Variants in NKAIN2 observed in about 807,000 individuals in gnomAD.
NKAIN2 encodes the protein sodium/potassium-transporting ATPase subunit beta-1-interacting protein 2.
NKAIN2 carries 14 observed loss-of-function variants against 32.6 expected under a neutral mutation model. The ratio of observed to expected loss-of-function variants is 0.43; its 90% CI spans 0.28 to 0.67. NKAIN2 has a LOEUF of 0.67. NKAIN2 is among the 30% of genes least tolerant of loss of function. NKAIN2 has a pLI of 0.17. For synonymous variants in NKAIN2, 80 were observed against 87.2 expected (o/e 0.92, Z 0.46); for missense variants, 198 against 258.3 (o/e 0.77, Z 1.60).
chr6:124,153,143 G>A (rs747426209), intron 1 of NKAIN2, among the ~76,000 whole-genome samples: 18 of 151,780 alleles, frequency 1.2e-4, no homozygotes, highest in Non-Finnish European at 2.2e-4. Flanking sequence ...ATAGCTAGAG[G>A]AGAAGAAAAT....
chr6:124,820,610 A>ATAT lies in NKAIN2; in HGVS notation c.617+2146_617+2148dup, dbSNP rs548526683. On this transcript the variant is annotated intron_variant, in intron 6 of 6. Transcript: ENST00000368417. ...CTAAAAGATCTCCTCTGTAAATGGT[A>ATAT]TATTATATATAACAGCGGTCCCCTG... 1.3e-4 allele frequency among the ~76,000 whole-genome samples: 20 copies of ATAT among 152,272 alleles called. No individual in the cohort carries two copies. The East Asian group carries it at 3.5e-3, about 26-fold the overall frequency.
intron 2 of NKAIN2, among the ~76,000 whole-genome samples, chr6:124,319,488 G>A (rs1797087305): frequency 1.3e-5 from 2 of 152,038 alleles, no homozygotes; most frequent in African/African-American, 4.8e-5. Flanking sequence ...CACTGGTGAT[G>A]GGGTGATTTT....
intron 4 of NKAIN2, among the ~76,000 whole-genome samples, chr6:124,729,001 A>T (rs1445301186): frequency 1.3e-5 from 2 of 149,964 alleles, no homozygotes; most frequent in African/African-American, 2.4e-5. Flanking sequence ...TCCCAAGACT[A>T]AACCAGGAAG....
intron 1 of NKAIN2, among the ~76,000 whole-genome samples, chr6:123,861,718 G>C (rs558108003): frequency 4.6e-5 from 7 of 152,272 alleles, no homozygotes; most frequent in African/African-American, 1.7e-4. Context: ...ACACCAGAGT[G>C]TGAAATGTAA....
At chr6:124,741,517 C>A (rs914661333) in intron 4 of NKAIN2, among the ~76,000 whole-genome samples, 1 of 151,752 alleles carries the variant, frequency 6.6e-6, no homozygotes, top group Non-Finnish European at 1.5e-5. Flanking sequence ...CTCTGACTAA[C>A]CCGCTATCAA....
At chr6:124,442,675 A>G (rs1775739540) in intron 3 of NKAIN2, among the ~76,000 whole-genome samples, 1 of 152,102 alleles carries the variant, frequency 6.6e-6, no homozygotes, top group Non-Finnish European at 1.5e-5. Flanking sequence ...TATAATGGGT[A>G]GTTCTGACAT....
chr6:124,362,859 G>A (rs1034924826), intron 3 of NKAIN2, among the ~76,000 whole-genome samples: 1 of 151,970 alleles, frequency 6.6e-6, no homozygotes, highest in Non-Finnish European at 1.5e-5. Context: ...TTTTGAGATA[G>A]AGTCCCACTC....
rs1554251781 is a variant in NKAIN2 at position 124,687,781 on chromosome 6, CAT to C, written c.474+29397_474+29398del. ...ACACACACACACACACACACACACA[CAT>C]ACTGTTCTATTAGTTCTGTCCCTCT... is the stretch of plus-strand genomic sequence containing the variant. On this transcript the variant is annotated intron_variant, in intron 4 of 6. Coordinates refer to ENST00000368417, the MANE Select transcript of NKAIN2 (RefSeq NM_001040214.3). Among the ~76,000 whole-genome samples the C allele has an allele frequency of 8.2e-4, 119 of 144,254 alleles. 1 individual carries two copies. Among genetic ancestry groups the C allele is most frequent in the African/African-American group, 1.2e-3 (47 of 39,306 alleles). The allele number at this position is 144,254 out of a possible 152,430, so 94.6% of individuals were successfully genotyped here. A position where few individuals can be genotyped will look rare whatever the true frequency, so the allele number is the denominator to read the frequency against.
chr6:124,124,055 A>C (rs1462834134), intron 1 of NKAIN2, among the ~76,000 whole-genome samples: 1 of 152,092 alleles, frequency 6.6e-6, no homozygotes, highest in East Asian at 1.9e-4. Flanking sequence ...CGATGCAGCT[A>C]TGATGCTGTC....
intron 1 of NKAIN2, among the ~76,000 whole-genome samples, chr6:124,181,393 T>A (rs1055487190): frequency 2.0e-5 from 3 of 152,154 alleles, no homozygotes; most frequent in African/African-American, 7.2e-5. Flanking sequence ...ATTTGGCCCC[T>A]CATTTTGCAA....
chr6:124,712,707 A>T lies in NKAIN2; in HGVS notation c.474+54321A>T, dbSNP rs181961295. Among the ~76,000 whole-genome samples, 70 of 149,860 alleles carry T rather than the reference A, an allele frequency of 4.7e-4. 1 individual carries two copies. In the South Asian group the frequency reaches 5.9e-3, roughly 13 times the overall value. ...ACGGTGTGCGCACCCACTGACCGGC[A>T]CTCCCTAGTGAGATGAACCTGGTAC... On this transcript the variant is annotated intron_variant, in intron 4 of 6. Transcript: ENST00000368417.
At chr6:124,698,805 G>T (rs1028146776) in intron 4 of NKAIN2, among the ~76,000 whole-genome samples, 1 of 152,204 alleles carries the variant, frequency 6.6e-6, no homozygotes, top group African/African-American at 2.4e-5. Context: ...GTAGGGGGAA[G>T]TTATTTAGGA....
intron 2 of NKAIN2, among the ~76,000 whole-genome samples, chr6:124,300,113 C>T (rs1479080727): frequency 6.6e-6 from 1 of 152,142 alleles, no homozygotes; most frequent in Non-Finnish European, 1.5e-5. Flanking sequence ...TTCCTCTTTA[C>T]ATGGTTGATC....
intron 3 of NKAIN2, among the ~76,000 whole-genome samples, chr6:124,371,091 TAAAA>T (rs146625672): frequency 1.3e-5 from 2 of 151,948 alleles, no homozygotes; most frequent in African/African-American, 4.8e-5. Context: ...CAATGAAAAA[TAAAA>T]AACAAAGATA....
At chr6:124,189,937 C>T (rs531498375) in intron 1 of NKAIN2, among the ~76,000 whole-genome samples, 6 of 152,280 alleles carry the variant, frequency 3.9e-5, no homozygotes, top group African/African-American at 1.4e-4. Context: ...TCTGTATTAT[C>T]TTTTGGAAAT....
intron 1 of NKAIN2, among the ~76,000 whole-genome samples, chr6:124,232,694 A>G (rs1347750462): frequency 6.6e-6 from 1 of 152,158 alleles, no homozygotes; most frequent in Non-Finnish European, 1.5e-5. Flanking sequence ...ATATGCCCCA[A>G]TAGAACCATC....
At chr6:124,214,644 T>A (rs1323990137) in intron 1 of NKAIN2, among the ~76,000 whole-genome samples, 1 of 152,102 alleles carries the variant, frequency 6.6e-6, no homozygotes, top group African/African-American at 2.4e-5. Flanking sequence ...GAGATTGCCA[T>A]GAGCCAGGAT....
At chr6:124,678,330 A>G (rs986174802) in intron 4 of NKAIN2, among the ~76,000 whole-genome samples, 1 of 151,100 alleles carries the variant, frequency 6.6e-6, no homozygotes, top group African/African-American at 2.4e-5. Flanking sequence ...TCCTCCTGAA[A>G]CTCTCATAAT....
intron 4 of NKAIN2, among the ~76,000 whole-genome samples, chr6:124,754,997 T>G (rs1210625378): frequency 1.3e-5 from 2 of 151,964 alleles, no homozygotes; most frequent in Non-Finnish European, 2.9e-5. Flanking sequence ...GAAAGGGAAT[T>G]TATTAGGGAG....
Sources: gnomAD v4.1 joint callset for allele counts (sites outside exome capture counted in the v4.1 genomes callset) on GRCh38, gnomAD v4.1.1 for gene constraint, MANE v1.5 for transcripts, NCBI Gene and HGNC (gene_info 2026-07-23, HGNC 2026-07-21) for gene names.